Variants in ITSN2 observed in about 807,000 individuals in gnomAD.
The protein encoded by ITSN2 is intersectin 2, also known as intersectin-2.
In ITSN2, 156 loss-of-function variants were observed where a neutral mutation model predicts 243.7. The observed-to-expected ratio is 0.64, with a 90% CI of 0.56 to 0.73. ITSN2 has a LOEUF of 0.73. ITSN2 is among the 30% of genes least tolerant of loss of function. ITSN2 has a pLI of 0.00. For missense variants in ITSN2, 1,801 were observed against 1,996.1 expected, an observed-to-expected ratio of 0.90 and a Z score of 1.86; for synonymous variants, 703 against 699.9, an observed-to-expected ratio of 1.00 and a Z score of -0.07.
intron 5 of ITSN2, among the ~76,000 whole-genome samples, chr2:24,311,184 C>G (rs1683222620): frequency 6.6e-6 from 1 of 152,036 alleles, no homozygotes; most frequent in African/African-American, 2.4e-5. Context: ...GCATTATTTG[C>G]AAGAAAGTGT....
intron 13 of ITSN2, among the ~76,000 whole-genome samples, chr2:24,296,056 T>C (rs1283915195): frequency 6.6e-6 from 1 of 152,126 alleles, no homozygotes; most frequent in Non-Finnish European, 1.5e-5. Flanking sequence ...ACATAACACA[T>C]TGAATTTTTT....
intron 2 of ITSN2, among the ~76,000 whole-genome samples, chr2:24,324,572 A>T (rs1684942694): frequency 6.6e-6 from 1 of 152,114 alleles, no homozygotes; most frequent in Non-Finnish European, 1.5e-5. Flanking sequence ...AAGATGAATA[A>T]AATGAACCAC....
intron 29 of ITSN2, among the ~76,000 whole-genome samples, chr2:24,224,421 A>G (rs551457588): frequency 6.6e-6 from 1 of 152,256 alleles, no homozygotes; most frequent in African/African-American, 2.4e-5. Context: ...CAAGGATACA[A>G]CTATCACACC....
Position 24,210,857 on chromosome 2 carries a change from C to T in ITSN2, c.4180G>A (p.Glu1394Lys). The T allele has an allele frequency of 6.2e-7, 1 of 1,614,162 alleles. No individual in the cohort carries two copies. The highest frequency in any genetic ancestry group is 8.5e-7 in the Non-Finnish European group (1 of 1,180,034). Reference protein sequence around the residue: ...RAEELCSQVNEGVREKENSDR... With the variant: ...RAEELCSQVNKGVREKENSDR... ...GAGTTTTCCTTCTCCCGAACTCCCT[C>T]ATTCACTTGAGAGCACAGCTCCTCT... Residue 1394 changes from glutamate to lysine, a missense_variant, in exon 34 of 40, where the codon GAG becomes AAG. This residue lies in a region of ITSN2 where 928 missense variants were observed against 1,065.4 expected (regional missense o/e 0.87). Transcript: ENST00000355123.
At chr2:24,243,419 C>G (rs1166951721) in intron 29 of ITSN2, among the ~76,000 whole-genome samples, 1 of 152,096 alleles carries the variant, frequency 6.6e-6, no homozygotes, top group African/African-American at 2.4e-5. Flanking sequence ...CACATAGGAG[C>G]TATAAAATCA....
intron 1 of ITSN2, among the ~76,000 whole-genome samples, chr2:24,330,099 T>C (rs934231873): frequency 6.6e-6 from 1 of 152,200 alleles, no homozygotes; most frequent in Non-Finnish European, 1.5e-5. Context: ...TTGCAAATAA[T>C]GCATTTTCTA....
intron 10 of ITSN2, among the ~76,000 whole-genome samples, 158 bp from the exon 11 acceptor site, chr2:24,301,397 T>A (rs556557338): frequency 1.8e-4 from 27 of 152,332 alleles, no homozygotes; most frequent in Admixed American, 1.5e-3. Context: ...CAGTAGTATA[T>A]GGATATTCAA....
At chr2:24,317,320 G>A (rs959364355) in intron 2 of ITSN2, among the ~76,000 whole-genome samples, 1 of 151,564 alleles carries the variant, frequency 6.6e-6, no homozygotes, top group Non-Finnish European at 1.5e-5. Flanking sequence ...GGAGGTGGAG[G>A]TTGCAGTGAG....
intron 2 of ITSN2, among the ~76,000 whole-genome samples, chr2:24,317,155 C>T (rs905289696): frequency 1.2e-4 from 19 of 152,186 alleles, no homozygotes; most frequent in Middle Eastern, 6.8e-3. Context: ...CCGAGGCGGG[C>T]GGATCACCTG....
At chr2:24,311,415 C>T (rs897687340) in intron 5 of ITSN2, among the ~76,000 whole-genome samples, 3 of 151,936 alleles carry the variant, frequency 2.0e-5, no homozygotes, top group Non-Finnish European at 2.9e-5. Flanking sequence ...TATGTTGCCC[C>T]GACTAGAATG....
intron 2 of ITSN2, among the ~76,000 whole-genome samples, chr2:24,316,472 AG>A (rs1683949532): frequency 6.6e-6 from 1 of 152,098 alleles, no homozygotes; most frequent in South Asian, 2.1e-4. Context: ...TAGTAGAGAC[AG>A]GGTTTCACCA....
chr2:24,356,903 CA>C (rs148234669), intron 1 of ITSN2, among the ~76,000 whole-genome samples: 77 of 120,438 alleles, frequency 6.4e-4, no homozygotes, highest in Non-Finnish European at 6.9e-4. Flanking sequence ...GACTCCGTCT[CA>C]AAAAAAAAAA....
intron 37 of ITSN2, chr2:24,205,677 G>A (rs147512520): frequency 8.2e-6 from 2 of 244,442 alleles, no homozygotes; most frequent in African/African-American, 2.2e-5. Context: ...AGGAGCCAGG[G>A]TAGAGCATGG....
chr2:24,253,755 A>G (rs1009036057), intron 24 of ITSN2, among the ~76,000 whole-genome samples: 2 of 152,348 alleles, frequency 1.3e-5, no homozygotes, highest in African/African-American at 4.8e-5. Flanking sequence ...CATTAAACTG[A>G]TATTTTTAGC....
chr2:24,299,612 T>C (rs1223824991), intron 12 of ITSN2, among the ~76,000 whole-genome samples: 1 of 152,240 alleles, frequency 6.6e-6, no homozygotes, highest in Admixed American at 6.5e-5. Flanking sequence ...CTCAGTTGCC[T>C]AACTAACCTT....
At chr2:24,341,903 A>G (rs1481338877) in intron 1 of ITSN2, among the ~76,000 whole-genome samples, 1 of 152,184 alleles carries the variant, frequency 6.6e-6, no homozygotes, top group Non-Finnish European at 1.5e-5. Context: ...AGGCAGAGTT[A>G]TTATAAGGCT....
At chr2:24,239,268 A>T (rs998536788) in intron 29 of ITSN2, 2 of 152,436 alleles carry the variant, frequency 1.3e-5, no homozygotes, top group African/African-American at 4.8e-5. Context: ...AAAGCTTTGG[A>T]CTGGAATTGG....
chr2:24,334,448 G>A lies in ITSN2; in HGVS notation c.-33-6333C>T, dbSNP rs976087721. On this transcript the variant is annotated intron_variant, in intron 1 of 39. Coordinates refer to ENST00000355123, the MANE Select transcript of ITSN2 (RefSeq NM_006277.3). ...CCAGCCAAGGTTAAAGTTTTTGTTT[G>A]TTAAGAAGCACAGTTACAGAAAGAA... 7 of 563,180 alleles carry A rather than the reference G, an allele frequency of 1.2e-5. No individual in the cohort carries two copies. The Admixed American group carries it at 1.3e-4, about 10-fold the overall frequency. 34.9% of individuals were successfully genotyped at this position (563,180 alleles called of 1,614,324 possible). A position where few individuals can be genotyped will look rare whatever the true frequency, so the allele number is the denominator to read the frequency against.
intron 9 of ITSN2, 146 bp from the exon 10 acceptor site, chr2:24,302,248 G>C (rs527553772): frequency 2.7e-6 from 1 of 365,560 alleles, no homozygotes; most frequent in Admixed American, 5.1e-5. Flanking sequence ...GCTCAACCTG[G>C]AGTGCAGTGG....
Sources: allele counts gnomAD v4.1 joint callset (sites outside exome capture counted in the v4.1 genomes callset), GRCh38; gene constraint gnomAD v4.1.1; regional missense constraint gnomAD v4.1.1; transcripts MANE v1.5; gene names NCBI Gene and HGNC (gene_info 2026-07-23, HGNC 2026-07-21).